ABCB7: variants seen among roughly 807,000 people sequenced by gnomAD.
ABCB7 encodes ATP binding cassette subfamily B member 7.
A neutral mutation model predicts 54.4 loss-of-function variants in ABCB7; 7 were observed. That is an observed-to-expected ratio of 0.13 (90% CI 0.07 to 0.24). ABCB7 has a LOEUF of 0.24. Ranked by LOEUF, ABCB7 falls within the 10% of genes least tolerant of loss-of-function variation. The pLI is 1.00. For missense variants in ABCB7, 356 were observed against 570.4 expected (o/e 0.62, Z 3.83); for synonymous variants, 218 against 207.1 (o/e 1.05, Z -0.45).
At chrX:75,125,681 A>G (rs2081920021) in intron 1 of ABCB7, among the ~76,000 whole-genome samples, 1 of 111,065 alleles carries the variant, frequency 9.0e-6, no homozygotes, top group Non-Finnish European at 1.9e-5. Flanking sequence ...TGAGGTTTCT[A>G]ATTCCTATTC....
At chrX:75,155,595 G>C (rs759393091) in intron 1 of ABCB7, among the ~76,000 whole-genome samples, 10 of 111,562 alleles carry the variant, frequency 9.0e-5, no homozygotes, top group Non-Finnish European at 1.9e-4. Flanking sequence ...TGGAAAGATA[G>C]TTACGGTTTT....
chrX:75,114,790 T>C lies in ABCB7; in HGVS notation c.210A>G (p.Gly70=), dbSNP rs2081793786. The C allele has an allele frequency of 8.3e-7, 1 of 1,202,023 alleles. No individual in the cohort carries two copies. The highest frequency in any genetic ancestry group is 1.8e-5 in the South Asian group (1 of 56,742). ...SLKSITWQRL[G]KGNSGQFLDA... is the part of the protein sequence containing the mutation. ...CTAAGAACTGTCCTGAATTGCCTTT[T>C]CCCAATCTCTGCCATGTGATACTTT... The change falls in exon 2 of 16, where the codon GGA becomes GGG. Residue 70 remains glycine (G), a synonymous_variant. Coordinates refer to ENST00000373394, the MANE Select transcript of ABCB7 (RefSeq NM_001271696.3).
intron 12 of ABCB7, among the ~76,000 whole-genome samples, chrX:75,068,089 T>C (rs1197119440): frequency 9.0e-6 from 1 of 111,328 alleles, no homozygotes; most frequent in Admixed American, 9.5e-5. Context: ...TCTCACACAG[T>C]TACCCAATAA....
At chrX:75,070,042 T>C (rs920099809) in intron 10 of ABCB7, among the ~76,000 whole-genome samples, 1 of 109,838 alleles carries the variant, frequency 9.1e-6, no homozygotes, top group African/African-American at 3.3e-5. Flanking sequence ...GCCCAGCTAA[T>C]TTTGTATTTT....
chrX:75,106,841 C>A (rs1019109093), intron 3 of ABCB7, among the ~76,000 whole-genome samples: 1 of 111,361 alleles, frequency 9.0e-6, no homozygotes, highest in Non-Finnish European at 1.9e-5. Flanking sequence ...CACCAATCAT[C>A]CCCCTTCCCT....
intron 1 of ABCB7, 38 bp downstream of exon 1, chrX:75,156,067 G>T: frequency 2.5e-6 from 3 of 1,204,278 alleles, no homozygotes; most frequent in Non-Finnish European, 3.4e-6. Flanking sequence ...AGGTCCCCTT[G>T]CCCTTCACCC....
chrX:75,083,234 T>C (rs903110544), intron 4 of ABCB7, among the ~76,000 whole-genome samples: 2 of 111,267 alleles, frequency 1.8e-5, no homozygotes, highest in East Asian at 5.7e-4. Flanking sequence ...TTTAGCAGTG[T>C]CCTTAACCTC....
chrX:75,146,350 C>A (rs1184354981), intron 1 of ABCB7, among the ~76,000 whole-genome samples: 1 of 111,842 alleles, frequency 8.9e-6, no homozygotes. Context: ...AAAAAAGAAT[C>A]CAAATAGCCA....
chrX:75,118,038 G>A (rs2081839347), intron 1 of ABCB7, among the ~76,000 whole-genome samples: 1 of 112,475 alleles, frequency 8.9e-6, no homozygotes. Flanking sequence ...TATACTTTGT[G>A]CTATGAATTT....
intron 4 of ABCB7, among the ~76,000 whole-genome samples, chrX:75,094,528 T>C (rs2081574683): frequency 9.0e-6 from 1 of 110,552 alleles, no homozygotes; most frequent in African/African-American, 3.3e-5. Flanking sequence ...GCCTGACCAA[T>C]ATGATAAAAC....
At chrX:75,104,134 G>A (rs1380735483) in intron 3 of ABCB7, among the ~76,000 whole-genome samples, 1 of 87,597 alleles carries the variant, frequency 1.1e-5, no homozygotes, top group Non-Finnish European at 2.2e-5. Context: ...TTAGCTGTGG[G>A]TAAGTCATAT....
At chrX:75,153,580 C>T (rs5981779) in intron 1 of ABCB7, among the ~76,000 whole-genome samples, 4,109 of 107,912 alleles carry the variant, frequency 0.038, 88 homozygotes, top group Non-Finnish European at 0.057. Context: ...AATTAAAGCT[C>T]CCATTCTTGG....
intron 14 of ABCB7, 44 bp downstream of exon 14, chrX:75,062,284 A>G: frequency 9.0e-7 from 1 of 1,109,521 alleles, no homozygotes; most frequent in Non-Finnish European, 1.2e-6. Context: ...TTCCAAGTAG[A>G]AAAGTTAAAC....
Position 75,132,898 on chromosome X carries a change from C to T in ABCB7, c.169-18067G>A, listed in dbSNP as rs147026678. Among the ~76,000 whole-genome samples, 349 of 111,665 alleles carry T rather than the reference C, an allele frequency of 3.1e-3. 2 individuals carry two copies. Among genetic ancestry groups the T allele is most frequent in the African/African-American group, 0.011 (336 of 30,725 alleles). On this transcript the variant is annotated intron_variant, in intron 1 of 15. Transcript: ENST00000373394. Reference sequence around the variant, plus strand: ...CACAGATGAGAAAGAACCAGCACAACAACTCTGGCAACTCTAAAGGCCAGA... The same window carrying T: ...CACAGATGAGAAAGAACCAGCACAATAACTCTGGCAACTCTAAAGGCCAGA...
intron 12 of ABCB7, among the ~76,000 whole-genome samples, chrX:75,065,535 T>G (rs1371089124): frequency 9.0e-6 from 1 of 111,689 alleles, no homozygotes; most frequent in Non-Finnish European, 1.9e-5. Context: ...GCAATTGCTT[T>G]TTTCAGTTAA....
At chrX:75,076,243 C>T (rs2081407975) in intron 5 of ABCB7, among the ~76,000 whole-genome samples, 1 of 112,111 alleles carries the variant, frequency 8.9e-6, no homozygotes, top group African/African-American at 3.2e-5. Flanking sequence ...ATGGATGTTA[C>T]AAAAAGCCTA....
intron 15 of ABCB7, among the ~76,000 whole-genome samples, chrX:75,059,162 C>CT (rs1394784485): frequency 9.0e-6 from 1 of 110,976 alleles, no homozygotes; most frequent in African/African-American, 3.3e-5. Flanking sequence ...ATGCTTCTCT[C>CT]TAAACTCTTA....
chrX:75,105,367 A>G (rs750711766), intron 3 of ABCB7, among the ~76,000 whole-genome samples: 29 of 111,425 alleles, frequency 2.6e-4, no homozygotes, highest in Non-Finnish European at 4.5e-4. Flanking sequence ...ATTTCTATAC[A>G]TCAATAACAA....
chrX:75,078,965 A>G (rs1199702515), intron 4 of ABCB7, among the ~76,000 whole-genome samples: 3 of 112,219 alleles, frequency 2.7e-5, no homozygotes, highest in Non-Finnish European at 5.6e-5. Flanking sequence ...TTTCTTCAGT[A>G]GGAGAAAAAG....
Sources: gnomAD v4.1 joint callset for allele counts (sites outside exome capture counted in the v4.1 genomes callset) on GRCh38, gnomAD v4.1.1 for gene constraint, MANE v1.5 for transcripts, NCBI Gene and HGNC (gene_info 2026-07-23, HGNC 2026-07-21) for gene names.